The following MAGI2 variants were observed in gnomAD, a reference collection of about 807,000 sequenced individuals.
MAGI2 encodes membrane associated guanylate kinase, WW and PDZ domain containing 2, also known as membrane-associated guanylate kinase, WW and PDZ domain-containing protein 2.
Under a neutral mutation model 133.3 loss-of-function variants are expected in MAGI2, and 35 were observed. The observed-to-expected ratio is 0.26, with a 90% CI of 0.20 to 0.35. MAGI2 has a LOEUF of 0.35. Ranked by LOEUF, MAGI2 falls within the 10% of genes least tolerant of loss-of-function variation. The probability of loss-of-function intolerance (pLI) is 1.00; values close to 1 mark genes in which losing one functional copy is unlikely to be tolerated. For synonymous variants in MAGI2, 729 were observed against 710.6 expected (o/e 1.03, Z -0.41); for missense variants, 1,636 against 1,863.4 (o/e 0.88, Z 2.25).
intron 1 of MAGI2, among the ~76,000 whole-genome samples, chr7:79,154,369 A>G (rs1471998290): frequency 1.3e-5 from 2 of 152,196 alleles, no homozygotes. Flanking sequence ...TTGACTGTTG[A>G]AAAATGTTAT....
chr7:78,138,550 C>A (rs1822398335), intron 16 of MAGI2, among the ~76,000 whole-genome samples: 1 of 151,672 alleles, frequency 6.6e-6, no homozygotes, highest in Admixed American at 6.6e-5. Context: ...TTATTTATGC[C>A]TCTGCTCTCC....
chr7:78,186,593 A>G (rs1446326320), intron 12 of MAGI2, among the ~76,000 whole-genome samples: 1 of 152,172 alleles, frequency 6.6e-6, no homozygotes, highest in African/African-American at 2.4e-5. Flanking sequence ...TGGTCTTACT[A>G]TCATAGAGGC....
intron 2 of MAGI2, among the ~76,000 whole-genome samples, chr7:78,799,949 T>C (rs1191385155): frequency 6.6e-6 from 1 of 152,180 alleles, no homozygotes; most frequent in Non-Finnish European, 1.5e-5. Flanking sequence ...GGCAGAAAGA[T>C]TTTATTTTAC....
intron 1 of MAGI2, among the ~76,000 whole-genome samples, chr7:79,028,269 G>GTATATATATATATATATATA (rs1464056500): frequency 9.4e-5 from 2 of 21,356 alleles, no homozygotes; most frequent in African/African-American, 2.9e-4. Context: ...ATATATATAT[G>GTATATATATATATATATATA]TATGTATGTA....
At chr7:79,006,647 T>C (rs1026234140) in intron 2 of MAGI2, 4 of 152,998 alleles carry the variant, frequency 2.6e-5, no homozygotes, top group Admixed American at 6.5e-5. Context: ...CTTTTCTTTT[T>C]ACTTGTGAGA....
chr7:79,235,198 G>T (rs537904972), intron 1 of MAGI2, among the ~76,000 whole-genome samples: 1 of 152,276 alleles, frequency 6.6e-6, no homozygotes, highest in Non-Finnish European at 1.5e-5. Context: ...TCTCTTCAAA[G>T]CTGTCAGACA....
rs117255842 is a variant in MAGI2, at chr7:78,373,794, T to G, written c.1046-4581A>C. ...TCCCAAGTGTCTATTGTTGCCATCT[T>G]TATGTTCATGAATATCCAGTGTTTA... On this transcript the variant is annotated intron_variant, in intron 6 of 21. Transcript: ENST00000354212. 6.5e-4 allele frequency among the ~76,000 whole-genome samples: 99 copies of G among 152,220 alleles called. 1 individual carries two copies. The East Asian group carries it at 0.019, about 29-fold the overall frequency.
chr7:78,600,572 A>T (rs559201051), intron 3 of MAGI2, among the ~76,000 whole-genome samples: 10 of 152,342 alleles, frequency 6.6e-5, no homozygotes, highest in African/African-American at 2.4e-4. Flanking sequence ...ATGTGGCAAT[A>T]CATAATTAGA....
chr7:79,043,253 T>C (rs943881493), intron 1 of MAGI2, among the ~76,000 whole-genome samples: 1 of 151,850 alleles, frequency 6.6e-6, no homozygotes. Context: ...TGAATGAAAT[T>C]GAGACACAAG....
At chr7:79,178,489 A>T (rs1330755814) in intron 1 of MAGI2, among the ~76,000 whole-genome samples, 1 of 151,928 alleles carries the variant, frequency 6.6e-6, no homozygotes, top group Non-Finnish European at 1.5e-5. Flanking sequence ...AGATGTGTGG[A>T]TCAACTGAGG....
At chr7:78,449,493 T>C (rs537261966) in intron 6 of MAGI2, among the ~76,000 whole-genome samples, 16 of 152,148 alleles carry the variant, frequency 1.1e-4, no homozygotes, top group Admixed American at 8.5e-4. Flanking sequence ...AATAAAACAA[T>C]TGGACTCAAT....
chr7:78,287,441 TGG>T (rs1796258356), intron 9 of MAGI2, among the ~76,000 whole-genome samples: 2 of 152,242 alleles, frequency 1.3e-5, no homozygotes, highest in South Asian at 4.1e-4. Context: ...CTGAGTCCAT[TGG>T]AGGAGGAGCA....
chr7:79,391,953 T>C (rs1208849607), intron 1 of MAGI2, among the ~76,000 whole-genome samples: 1 of 152,044 alleles, frequency 6.6e-6, no homozygotes, highest in Non-Finnish European at 1.5e-5. Context: ...TAACGTCATC[T>C]AGGTTTTAAG....
Position 79,210,955 on chromosome 7 carries a change from A to C in MAGI2, c.302-203749T>G, listed in dbSNP as rs148351918. The stretch of plus-strand genomic sequence containing the variant: ...TGGGAAGCCATTCACTAACCTAAGT[A>C]ACCATAAAAATGTTCATTATGTATG... On this transcript the variant is annotated intron_variant, in intron 1 of 21. Transcript: ENST00000354212. Among the ~76,000 whole-genome samples the C allele has an allele frequency of 6.6e-5, 10 of 152,180 alleles. No homozygotes were observed. In the East Asian group the frequency reaches 1.7e-3, roughly 26 times the overall value.
At chr7:78,882,115 A>AAAAAAAAAAAAAAAAAAAAAAG (rs1795918606) in intron 2 of MAGI2, among the ~76,000 whole-genome samples, 11 of 93,732 alleles carry the variant, frequency 1.2e-4, no homozygotes, top group East Asian at 3.1e-4. Context: ...AAAAGAAAAG[A>AAAAAAAAAAAAAAAAAAAAAAG]AAAACAAAAA....
chr7:78,149,826 C>G (rs1306186575), intron 16 of MAGI2, among the ~76,000 whole-genome samples: 1 of 152,192 alleles, frequency 6.6e-6, no homozygotes, highest in Non-Finnish European at 1.5e-5. Context: ...AGGTACCCAA[C>G]ATCTGGCCAT....
chr7:78,145,503 A>T (rs1314362005), intron 16 of MAGI2, among the ~76,000 whole-genome samples: 1 of 152,098 alleles, frequency 6.6e-6, no homozygotes, highest in Non-Finnish European at 1.5e-5. Context: ...AGATATTGGC[A>T]TCCCGGATTG....
intron 9 of MAGI2, among the ~76,000 whole-genome samples, chr7:78,309,263 A>C (rs1473353913): frequency 6.6e-6 from 1 of 152,248 alleles, no homozygotes; most frequent in African/African-American, 2.4e-5. Flanking sequence ...CACTATTCAC[A>C]ATAGCGAAGA....
At chr7:78,477,787 T>C (rs1383761359) in intron 6 of MAGI2, among the ~76,000 whole-genome samples, 1 of 151,998 alleles carries the variant, frequency 6.6e-6, no homozygotes, top group African/African-American at 2.4e-5. Flanking sequence ...ATGTAAATTA[T>C]ATGACAATTA....
Sources: allele counts gnomAD v4.1 joint callset (sites outside exome capture counted in the v4.1 genomes callset), GRCh38; gene constraint gnomAD v4.1.1; transcripts MANE v1.5; gene names NCBI Gene and HGNC (gene_info 2026-07-23, HGNC 2026-07-21).